Variants in IGF2BP2 observed in about 807,000 individuals in gnomAD.
The protein encoded by IGF2BP2 is insulin-like growth factor 2 mRNA-binding protein 2.
Under a neutral mutation model 75.8 loss-of-function variants are expected in IGF2BP2, and 17 were observed. That is an observed-to-expected ratio of 0.22 (90% CI 0.15 to 0.34). IGF2BP2 has a LOEUF of 0.34. Among genes scored for constraint, IGF2BP2 ranks in the 10% least tolerant of loss-of-function variants. The pLI, the probability that IGF2BP2 is intolerant of heterozygous loss-of-function variation, is 1.00. For missense variants in IGF2BP2, 516 were observed against 772.4 expected, an observed-to-expected ratio of 0.67 and a Z score of 3.93; for synonymous variants, 288 against 295.6, an observed-to-expected ratio of 0.97 and a Z score of 0.26.
At chr3:185,677,068 T>TATATATATAGAGAGAGAGAGAGAGAGAG in intron 7 of IGF2BP2, among the ~76,000 whole-genome samples, 6 of 35,862 alleles carry the variant, frequency 1.7e-4, no homozygotes, top group East Asian at 6.9e-4. Flanking sequence ...TATATATATA[T>TATATATATAGAGAGAGAGAGAGAGAGAG]AGAGAGAGAG....
chr3:185,817,434 C>T (rs967206533), intron 2 of IGF2BP2, among the ~76,000 whole-genome samples: 2 of 152,166 alleles, frequency 1.3e-5, no homozygotes, highest in Non-Finnish European at 2.9e-5. Context: ...ATTCCTTCTT[C>T]CCTTTGGCAG....
At chr3:185,735,666 G>A (rs2149537033) in intron 2 of IGF2BP2, among the ~76,000 whole-genome samples, 1 of 152,256 alleles carries the variant, frequency 6.6e-6, no homozygotes, top group East Asian at 1.9e-4. Flanking sequence ...CAGAGGGGAA[G>A]GCTCCTTACC....
chr3:185,685,898 C>T (rs1380284596), intron 7 of IGF2BP2, among the ~76,000 whole-genome samples: 1 of 152,210 alleles, frequency 6.6e-6, no homozygotes, highest in Non-Finnish European at 1.5e-5. Flanking sequence ...CCTACCTTGG[C>T]CTCCCAAAGC....
At chr3:185,704,639 G>A (rs555207245) in intron 2 of IGF2BP2, among the ~76,000 whole-genome samples, 1 of 152,210 alleles carries the variant, frequency 6.6e-6, no homozygotes, top group South Asian at 2.1e-4. Context: ...TTGTAGAGAT[G>A]GGGTTTTGAC....
At chr3:185,687,915 A>C (rs1354863058) in intron 6 of IGF2BP2, among the ~76,000 whole-genome samples, 8 of 152,066 alleles carry the variant, frequency 5.3e-5, no homozygotes, top group African/African-American at 1.9e-4. Flanking sequence ...CCCCACTTCT[A>C]TTTAAACTTG....
intron 2 of IGF2BP2, among the ~76,000 whole-genome samples, chr3:185,817,899 A>G (rs906864098): frequency 1.3e-5 from 2 of 152,234 alleles, no homozygotes; most frequent in African/African-American, 4.8e-5. Context: ...GAAGTTAATC[A>G]TAGCTTTTGA....
At chr3:185,793,932 G>A (rs1003323204) in intron 2 of IGF2BP2, among the ~76,000 whole-genome samples, 3 of 150,348 alleles carry the variant, frequency 2.0e-5, no homozygotes, top group African/African-American at 7.3e-5. Flanking sequence ...ACATGCCCCA[G>A]ATAAGGAATG....
At chr3:185,712,014 C>T (rs1724873560) in intron 2 of IGF2BP2, among the ~76,000 whole-genome samples, 1 of 152,120 alleles carries the variant, frequency 6.6e-6, no homozygotes, top group South Asian at 2.1e-4. Context: ...CTGGTTTTCC[C>T]ATGAAATGTG....
rs141184424 is a variant in IGF2BP2, at chr3:185,792,685, G to A, written c.239+30468C>T. 9.7e-3 allele frequency among the ~76,000 whole-genome samples: 1,455 copies of A among 149,994 alleles called. 25 individuals are homozygous for A. The highest frequency in any genetic ancestry group is 0.032 in the African/African-American group (1,314 of 40,682). ...GGGAGAGTGAGGCAGAGAATTGTTC[G>A]AACCCCGGAGGTGGAGGTTACAGTG... On this transcript the variant is annotated intron_variant, in intron 2 of 15. Transcript: ENST00000382199.
intron 2 of IGF2BP2, chr3:185,717,691 AAATT>A (rs1303873201): frequency 1.3e-5 from 2 of 152,364 alleles, no homozygotes; most frequent in East Asian, 3.9e-4. Context: ...AAACGATACA[AAATT>A]AATTGTCTAA....
chr3:185,694,100 C>T (rs1464191555), intron 4 of IGF2BP2, among the ~76,000 whole-genome samples: 1 of 152,178 alleles, frequency 6.6e-6, no homozygotes, highest in African/African-American at 2.4e-5. Context: ...GAAAGAGCTG[C>T]CACTGAGAAT....
chr3:185,708,595 T>C (rs1224062176), intron 2 of IGF2BP2, among the ~76,000 whole-genome samples: 1 of 151,872 alleles, frequency 6.6e-6, no homozygotes, highest in Admixed American at 6.6e-5. Flanking sequence ...CACGGCGGGG[T>C]GCAGCACATA....
intron 1 of IGF2BP2, among the ~76,000 whole-genome samples, chr3:185,823,736 C>A (rs1186575049): frequency 6.6e-6 from 1 of 151,970 alleles, no homozygotes; most frequent in African/African-American, 2.4e-5. Flanking sequence ...CGCCCCGCCC[C>A]CACTCCACAC....
intron 2 of IGF2BP2, chr3:185,821,125 T>C: frequency 1.3e-6 from 2 of 1,505,906 alleles, no homozygotes; most frequent in South Asian, 1.3e-5. Flanking sequence ...TATCTCTCCC[T>C]TAGCCTGCAG....
At chr3:185,689,284 G>A (rs1457809092) in intron 6 of IGF2BP2, 71 bp downstream of exon 6, 2 of 1,504,630 alleles carry the variant, frequency 1.3e-6, no homozygotes, top group Non-Finnish European at 1.8e-6. Context: ...TGTGACCTAA[G>A]AGTGGCTGAG....
At chr3:185,669,192 A>AATTATAT (rs1248635299) in intron 10 of IGF2BP2, among the ~76,000 whole-genome samples, 1 of 152,160 alleles carries the variant, frequency 6.6e-6, no homozygotes, top group African/African-American at 2.4e-5. Flanking sequence ...TTTGTATCAA[A>AATTATAT]ATTATATACT....
At chr3:185,748,012 T>C (rs1298179692) in intron 2 of IGF2BP2, among the ~76,000 whole-genome samples, 2 of 152,000 alleles carry the variant, frequency 1.3e-5, no homozygotes, top group Non-Finnish European at 1.5e-5. Flanking sequence ...CCTGCCACCA[T>C]GCCCAGCTAC....
intron 10 of IGF2BP2, among the ~76,000 whole-genome samples, chr3:185,661,563 G>C (rs1577857412): frequency 1.3e-5 from 2 of 150,734 alleles, no homozygotes; most frequent in African/African-American, 4.9e-5. Context: ...CTTGAACCCG[G>C]GAGACAAGAG....
chr3:185,798,154 T>C (rs900781833), intron 2 of IGF2BP2, among the ~76,000 whole-genome samples: 1 of 152,060 alleles, frequency 6.6e-6, no homozygotes, highest in African/African-American at 2.4e-5. Context: ...TGAGCTGAGA[T>C]TGCGCCACTG....
Sources: allele counts gnomAD v4.1 joint callset (sites outside exome capture counted in the v4.1 genomes callset), GRCh38; gene constraint gnomAD v4.1.1; transcripts MANE v1.5; gene names NCBI Gene and HGNC (gene_info 2026-07-23, HGNC 2026-07-21).